ANKRD36C: variants seen among roughly 807,000 people sequenced by gnomAD.
The protein encoded by ANKRD36C is ankyrin repeat domain 36C, also known as ankyrin repeat domain-containing protein 36C.
Under a neutral mutation model 276.4 loss-of-function variants are expected in ANKRD36C, and 61 were observed. The observed-to-expected ratio is 0.22, with a 90% CI of 0.18 to 0.27. ANKRD36C has a LOEUF of 0.27. Ranked by LOEUF, ANKRD36C falls within the 10% of genes least tolerant of loss-of-function variation. The pLI, the probability that ANKRD36C is intolerant of heterozygous loss-of-function variation, is 1.00. For missense variants in ANKRD36C, 1,447 were observed against 2,032.3 expected (o/e 0.71, Z 5.54); for synonymous variants, 483 against 680.1 (o/e 0.71, Z 4.51).
intron 34 of ANKRD36C, among the ~76,000 whole-genome samples, chr2:95,918,678 A>G (rs964462318): frequency 3.3e-5 from 5 of 151,672 alleles, no homozygotes; most frequent in Non-Finnish European, 5.9e-5. Flanking sequence ...TTATCCCTCC[A>G]AAACTTTCTT....
At chr2:95,951,443 T>G in intron 14 of ANKRD36C, 35 bp from the exon 15 acceptor site, 1 of 1,418,898 alleles carries the variant, frequency 7.0e-7, no homozygotes, top group Non-Finnish European at 9.6e-7. Context: ...AAGAATAACA[T>G]GGAGCAAGTT....
intron 1 of ANKRD36C, among the ~76,000 whole-genome samples, chr2:95,991,014 G>GA (rs1383065965): frequency 6.6e-6 from 1 of 151,974 alleles, no homozygotes. Context: ...TGCTGCTTGT[G>GA]AAAATGACCT....
intron 36 of ANKRD36C, among the ~76,000 whole-genome samples, chr2:95,916,443 G>C (rs111809589): frequency 6.6e-6 from 1 of 151,568 alleles, no homozygotes; most frequent in Admixed American, 6.6e-5. Context: ...ATCAAGGTGG[G>C]TATGCTGAGT....
chr2:95,914,385 C>T, intron 38 of ANKRD36C, 82 bp from the exon 41 acceptor site: 7 of 1,477,174 alleles, frequency 4.7e-6, no homozygotes, highest in Non-Finnish European at 6.5e-6. Context: ...TTAGCATCAA[C>T]CTCTGTCTTC....
chr2:95,925,225 A>T (rs1031383819), intron 30 of ANKRD36C, 127 bp downstream of exon 30: 1 of 1,453,580 alleles, frequency 6.9e-7, no homozygotes, highest in African/African-American at 1.4e-5. Flanking sequence ...CTTACTAGAA[A>T]TGCACAATCT....
chr2:95,861,370 A>C (rs1685203398), intron 60 of ANKRD36C, among the ~76,000 whole-genome samples: 1 of 152,114 alleles, frequency 6.6e-6, no homozygotes, highest in African/African-American at 2.4e-5. Flanking sequence ...CCTCAAATAA[A>C]AAAGAAGAGA....
At chr2:95,902,435 C>T (rs1227958024) in intron 42 of ANKRD36C, among the ~76,000 whole-genome samples, 7 of 150,248 alleles carry the variant, frequency 4.7e-5, no homozygotes, top group Admixed American at 2.0e-4. Flanking sequence ...CAATCCGTCT[C>T]CCTTAGGAAA....
intron 24 of ANKRD36C, among the ~76,000 whole-genome samples, chr2:95,929,724 G>A (rs1467190257): frequency 2.0e-5 from 3 of 151,538 alleles, no homozygotes; most frequent in Non-Finnish European, 4.4e-5. Flanking sequence ...TGATTGATCA[G>A]TGAGAAGGTA....
Position 95,917,851 on chromosome 2 carries a change from T to C in ANKRD36C, c.2347+4A>G. 1.3e-6 allele frequency: 2 copies of C among 1,594,472 alleles called. No homozygotes were observed. Among genetic ancestry groups the C allele is most frequent in the African/African-American group, 1.3e-5 (1 of 74,206 alleles). On this transcript the variant is annotated splice_donor_region_variant and intron_variant, in intron 36 of 66. Coordinates refer to ENST00000456556, the Ensembl canonical transcript of ANKRD36C. ...GTGACATTAAATGTCTTTTGCAAAA[T>C]TACCTGTCCCAGATTTTTCTCCGTC...
intron 17 of ANKRD36C, among the ~76,000 whole-genome samples, chr2:95,945,525 T>C (rs146037662): frequency 6.6e-6 from 1 of 152,268 alleles, no homozygotes; most frequent in African/African-American, 2.4e-5. Context: ...AAAAGTCAAT[T>C]AATCACTTTA....
intron 24 of ANKRD36C, among the ~76,000 whole-genome samples, chr2:95,933,336 T>TTGATGGGG (rs879111605): frequency 6.6e-6 from 1 of 152,158 alleles, no homozygotes; most frequent in East Asian, 1.9e-4. Flanking sequence ...AATGGTAGTC[T>TTGATGGGG]ATAGCATTGA....
intron 59 of ANKRD36C, among the ~76,000 whole-genome samples, chr2:95,871,338 C>T (rs1044785622): frequency 5.3e-5 from 8 of 152,014 alleles, no homozygotes; most frequent in Non-Finnish European, 8.8e-5. Context: ...CTCTACAAGC[C>T]GGAAGAGAGT....
chr2:95,852,492 A>C (rs1192104941), intron 64 of ANKRD36C: 8 of 301,730 alleles, frequency 2.7e-5, no homozygotes, highest in Admixed American at 4.8e-5. Flanking sequence ...AAATAATACT[A>C]TCTGGCCCTT....
In ANKRD36C at chr2:95,920,246, C is replaced by T. The variant is rs112897392; in HGVS notation, c.2245+1361G>A. Among the ~76,000 whole-genome samples, 41 of 132,978 alleles carry T rather than the reference C, an allele frequency of 3.1e-4. 8 individuals are homozygous for T. In the Middle Eastern group the frequency reaches 0.014, roughly 44 times the overall value. The allele number at this position is 132,978 out of a possible 152,430, so 87.2% of individuals were successfully genotyped here. A position where few individuals can be genotyped will look rare whatever the true frequency, so the allele number is the denominator to read the frequency against. On this transcript the variant is annotated intron_variant, in intron 34 of 66. Transcript: ENST00000456556. Reference sequence around the variant, plus strand: ...TAAAATCGGAGGAGCAACTCATACACGTGAGAATCAATGTCAAAGCAGGTG... The same window carrying T: ...TAAAATCGGAGGAGCAACTCATACATGTGAGAATCAATGTCAAAGCAGGTG...
chr2:95,981,608 A>ATT lies in ANKRD36C; in HGVS notation c.593+646_593+647dup, dbSNP rs201174181. On this transcript the variant is annotated intron_variant, in intron 4 of 66. Coordinates refer to ENST00000456556, the Ensembl canonical transcript of ANKRD36C. ...TTCTCTGTTAGCTGGACATTCTAAC[A>ATT]TTATATATATATATATAAAATGTTA... 5.1e-3 allele frequency among the ~76,000 whole-genome samples: 771 copies of ATT among 150,928 alleles called. 4 individuals carry two copies. Among genetic ancestry groups the ATT allele is most frequent in the African/African-American group, 0.017 (700 of 41,286 alleles).
At position 95,897,233 on chromosome 2, in the gene ANKRD36C, G is replaced by C. The variant is rs1676578472; in HGVS notation, c.2755+1912C>G. On this transcript the variant is annotated intron_variant, in intron 44 of 66. Transcript: ENST00000456556. ...ACGGAAGAGAATTTCTTATCTATCT[G>C]GACTGAACATGACATTAAATCTCTT... 4 of 1,394,416 alleles carry C rather than the reference G, an allele frequency of 2.9e-6. No individual in the cohort carries two copies. In the East Asian group the frequency reaches 7.7e-5, roughly 27 times the overall value. The allele number at this position is 1,394,416 out of a possible 1,614,324, so 86.4% of individuals were successfully genotyped here. A position where few individuals can be genotyped will look rare whatever the true frequency, so the allele number is the denominator to read the frequency against.
intron 6 of ANKRD36C, among the ~76,000 whole-genome samples, chr2:95,967,857 G>A (rs1466658567): frequency 6.6e-6 from 1 of 152,086 alleles, no homozygotes; most frequent in Non-Finnish European, 1.5e-5. Context: ...GGAGGCCAAG[G>A]TGGGTGGATC....
intron 6 of ANKRD36C, among the ~76,000 whole-genome samples, chr2:95,963,285 C>G (rs1573807216): frequency 6.6e-6 from 1 of 152,014 alleles, no homozygotes; most frequent in East Asian, 1.9e-4. Context: ...CAAAATAAAA[C>G]TGCTACAAGC....
chr2:95,896,992 G>C (rs202126216), intron 44 of ANKRD36C, among the ~76,000 whole-genome samples: 2,630 of 148,032 alleles, frequency 0.018, 169 homozygotes, highest in East Asian at 0.16. Context: ...GAGAATTAAA[G>C]CAAAATTATG....
Sources: gnomAD v4.1 joint callset for allele counts (sites outside exome capture counted in the v4.1 genomes callset) on GRCh38, gnomAD v4.1.1 for gene constraint, MANE v1.5 for transcripts, NCBI Gene and HGNC (gene_info 2026-07-23, HGNC 2026-07-21) for gene names.